TYW1B: variants seen among roughly 807,000 people sequenced by gnomAD.
The protein encoded by TYW1B is S-adenosyl-L-methionine-dependent tRNA 4-demethylwyosine synthase TYW1B.
In TYW1B, 73 loss-of-function variants were observed where a neutral mutation model predicts 86.9. The ratio of observed to expected loss-of-function variants is 0.84; its 90% CI spans 0.70 to 1.02. The LOEUF (loss-of-function observed/expected upper bound fraction) is 1.02, where lower values mean the gene tolerates loss of function less well. Ranked by LOEUF, TYW1B falls within the 50% of genes least tolerant of loss-of-function variation. The pLI, the probability that TYW1B is intolerant of heterozygous loss-of-function variation, is 0.00. For synonymous variants in TYW1B, 248 were observed against 292.8 expected (o/e 0.85, Z 1.56); for missense variants, 637 against 827.4 (o/e 0.77, Z 2.82).
chr7:72,634,253 A>G (rs1585864809), intron 11 of TYW1B, among the ~76,000 whole-genome samples: 1 of 151,104 alleles, frequency 6.6e-6, no homozygotes, highest in Non-Finnish European at 1.5e-5. Context: ...AGCACGGCCC[A>G]CTACAGCCTC....
chr7:72,816,213 C>T (rs782194689), intron 2 of TYW1B, among the ~76,000 whole-genome samples: 1 of 151,866 alleles, frequency 6.6e-6, no homozygotes, highest in Admixed American at 6.6e-5. Context: ...CCCGTCTCTA[C>T]TAAAAATACA....
At chr7:72,642,672 G>A (rs1296034620) in intron 11 of TYW1B, among the ~76,000 whole-genome samples, 1 of 152,242 alleles carries the variant, frequency 6.6e-6, no homozygotes, top group Non-Finnish European at 1.5e-5. Flanking sequence ...GGAGGCCAAG[G>A]CAGGTGGATC....
intron 11 of TYW1B, among the ~76,000 whole-genome samples, chr7:72,689,423 G>A (rs1338011472): frequency 1.3e-5 from 2 of 152,144 alleles, no homozygotes; most frequent in Non-Finnish European, 2.9e-5. Context: ...GTTCAAAAGT[G>A]ACAAAATGTG....
chr7:72,622,557 CAT>C (rs1233561758), intron 12 of TYW1B, among the ~76,000 whole-genome samples: 33 of 152,274 alleles, frequency 2.2e-4, no homozygotes, highest in African/African-American at 5.8e-4. Flanking sequence ...TCTCACCCCA[CAT>C]GAGACTCTAG....
At position 72,810,477 on chromosome 7, in the gene TYW1B, G is replaced by A. The variant is rs781995127; in HGVS notation, c.426C>T (p.Phe142=). 6.2e-7 allele frequency: 1 copy of A among 1,611,268 alleles called. No individual in the cohort carries two copies. The highest frequency in any genetic ancestry group is 1.3e-5 in the African/African-American group (1 of 74,854). ...GLGNSAYASH[F]NKVGKNVDKW... is the part of the protein sequence containing the mutation. ...TAATTCAATATAGACCTACCTTGTT[G>A]AAGTGGCTAGCATAGGCAGAATTTC... is the stretch of plus-strand genomic sequence containing the variant. Residue 142 remains phenylalanine, a synonymous_variant, in exon 4 of 14, where the codon TTC becomes TTT. Coordinates refer to ENST00000620995, the MANE Select transcript of TYW1B (RefSeq NM_001145440.3).
intron 7 of TYW1B, among the ~76,000 whole-genome samples, chr7:72,745,014 G>A (rs528719841): frequency 1.3e-5 from 2 of 152,132 alleles, no homozygotes; most frequent in Admixed American, 6.6e-5. Context: ...ATGCATCCTG[G>A]AGTGTCGTTC....
chr7:72,686,922 C>T (rs56291893), intron 11 of TYW1B, among the ~76,000 whole-genome samples: 124 of 151,860 alleles, frequency 8.2e-4, no homozygotes, highest in African/African-American at 3.0e-3. Flanking sequence ...ATGCAATACC[C>T]CAAATTAATC....
intron 11 of TYW1B, among the ~76,000 whole-genome samples, chr7:72,629,812 G>A (rs1279287365): frequency 6.6e-6 from 1 of 151,832 alleles, no homozygotes; most frequent in Non-Finnish European, 1.5e-5. Flanking sequence ...GCTTCCGAAG[G>A]GCTGGGATTA....
At chr7:72,585,676 G>A (rs1216848443) in intron 13 of TYW1B, among the ~76,000 whole-genome samples, 5 of 152,098 alleles carry the variant, frequency 3.3e-5, no homozygotes, top group Admixed American at 6.6e-5. Flanking sequence ...TACGAAGGGG[G>A]GTTTCCCTGC....
rs1787912774 is a variant in TYW1B, at chr7:72,774,130, G to T, written c.964+3286C>A. Among the ~76,000 whole-genome samples the T allele has an allele frequency of 2.0e-5, 3 of 151,450 alleles. 1 individual carries two copies. Among genetic ancestry groups the T allele is most frequent in the Non-Finnish European group, 2.9e-5 (2 of 67,880 alleles). On this transcript the variant is annotated intron_variant, in intron 7 of 13. Coordinates refer to ENST00000620995, the MANE Select transcript of TYW1B (RefSeq NM_001145440.3). ...GAAAAGAGGGAGAGAGGAAGGGAAG[G>T]ACTGAGGAAGGGAAGGACTGGGGGT...
At chr7:72,781,595 C>T (rs7804140) in intron 6 of TYW1B, among the ~76,000 whole-genome samples, 104,275 of 151,880 alleles carry the variant, frequency 0.69, 36,730 homozygotes, top group Non-Finnish European at 0.77. Context: ...AGTGAGCCCA[C>T]TGCCCAGTAA....
intron 10 of TYW1B, among the ~76,000 whole-genome samples, chr7:72,705,208 G>GT (rs1227988930): frequency 3.9e-5 from 6 of 152,182 alleles, no homozygotes; most frequent in African/African-American, 1.4e-4. Flanking sequence ...AAAACTGCAT[G>GT]TTTATTAAAC....
intron 11 of TYW1B, among the ~76,000 whole-genome samples, chr7:72,651,995 G>A (rs1731228775): frequency 6.6e-6 from 1 of 152,068 alleles, no homozygotes; most frequent in Non-Finnish European, 1.5e-5. Context: ...ACAGCTCACT[G>A]CAGCCTCAAC....
intron 2 of TYW1B, among the ~76,000 whole-genome samples, chr7:72,817,547 G>C (rs1451530175): frequency 2.0e-5 from 3 of 152,166 alleles, no homozygotes; most frequent in African/African-American, 7.2e-5. Flanking sequence ...TCGAATAGGA[G>C]GTGTTTGGGT....
At chr7:72,782,260 G>A (rs1184157963) in intron 6 of TYW1B, among the ~76,000 whole-genome samples, 20 of 152,036 alleles carry the variant, frequency 1.3e-4, no homozygotes, top group Admixed American at 2.6e-4. Context: ...CTGCACTCTA[G>A]CCTGGGTTAC....
At chr7:72,774,451 C>T (rs564299143) in intron 7 of TYW1B, among the ~76,000 whole-genome samples, 5 of 151,400 alleles carry the variant, frequency 3.3e-5, no homozygotes, top group African/African-American at 1.2e-4. Flanking sequence ...GGCCAGGCAC[C>T]GTGGCTCAAG....
chr7:72,783,116 A>G (rs1788074771), intron 6 of TYW1B, among the ~76,000 whole-genome samples: 1 of 152,026 alleles, frequency 6.6e-6, no homozygotes, highest in Non-Finnish European at 1.5e-5. Context: ...TTAAAAACTC[A>G]GGTCGGACGT....
chr7:72,647,105 G>A (rs549424186), intron 11 of TYW1B, among the ~76,000 whole-genome samples: 42 of 152,074 alleles, frequency 2.8e-4, no homozygotes, highest in Admixed American at 4.6e-4. Flanking sequence ...ATATGGTACT[G>A]ACTTACTGGT....
chr7:72,777,555 A>G (rs1554470804), intron 6 of TYW1B, 22 bp from the exon 7 acceptor site: 9 of 1,613,488 alleles, frequency 5.6e-6, no homozygotes, highest in Non-Finnish European at 7.6e-6. Context: ...TAAAAGAATG[A>G]AATCCAGAAT....
Sources: gnomAD v4.1 joint callset for allele counts (sites outside exome capture counted in the v4.1 genomes callset) on GRCh38, gnomAD v4.1.1 for gene constraint, MANE v1.5 for transcripts, NCBI Gene and HGNC (gene_info 2026-07-23, HGNC 2026-07-21) for gene names.